The following LRRK2 variants were observed in gnomAD, a reference collection of about 807,000 sequenced individuals.
LRRK2 encodes leucine-rich repeat serine/threonine-protein kinase 2.
A neutral mutation model predicts 302.6 loss-of-function variants in LRRK2; 203 were observed. The observed-to-expected ratio is 0.67, with a 90% CI of 0.60 to 0.75. LRRK2 has a LOEUF of 0.75. Among genes scored for constraint, LRRK2 ranks in the 30% least tolerant of loss-of-function variants. The pLI is 0.00. For missense variants in LRRK2, 2,830 were observed against 2,951.0 expected (o/e 0.96, Z 0.95); for synonymous variants, 1,066 against 1,031.9 (o/e 1.03, Z -0.63).
rs183420932 is a variant in LRRK2 at position 40,239,565 on chromosome 12, A to C, written c.572-918A>C. ...AAGAATGTTGCTCAATAGAAAAACCATCAGTGCTGAGAGGGTTATGACTAT... is the reference window on the plus strand; with the variant it reads ...AAGAATGTTGCTCAATAGAAAAACCCTCAGTGCTGAGAGGGTTATGACTAT... On this transcript the variant is annotated intron_variant, in intron 5 of 50. Coordinates refer to ENST00000298910, the MANE Select transcript of LRRK2 (RefSeq NM_198578.4). 1.8e-3 allele frequency among the ~76,000 whole-genome samples: 271 copies of C among 152,308 alleles called. 1 individual carries two copies. Among genetic ancestry groups the C allele is most frequent in the African/African-American group, 6.1e-3 (253 of 41,572 alleles).
rs558504136 is a variant in LRRK2 at position 40,278,044 on chromosome 12, A to G, written c.2070+28A>G. The G allele has an allele frequency of 3.7e-5, 59 of 1,613,814 alleles. No homozygotes were observed. In the African/African-American group the frequency reaches 7.1e-4, roughly 19 times the overall value. ...ACAGTGTTTTTCACTTGCATCCTAAATGTTATGTATTTATCTGACTCTAAT... is the reference window on the plus strand; with the variant it reads ...ACAGTGTTTTTCACTTGCATCCTAAGTGTTATGTATTTATCTGACTCTAAT... On this transcript the variant is annotated intron_variant, in intron 17 of 50. Coordinates refer to ENST00000298910, the MANE Select transcript of LRRK2 (RefSeq NM_198578.4).
intron 45 of LRRK2, among the ~76,000 whole-genome samples, chr12:40,354,896 A>G (rs1314842879): frequency 1.3e-5 from 2 of 152,074 alleles, no homozygotes; most frequent in African/African-American, 4.8e-5. Flanking sequence ...TAAACATACC[A>G]GTTATCTAAC....
Position 40,321,310 on chromosome 12 carries a change from G to A in LRRK2, c.5170+122G>A, listed in dbSNP as rs1592285310. ...TATGCCATTTTCTCAGAGTTTACTT[G>A]TTTGGAAGGCAGCTGAAGAATTAGA... is the stretch of plus-strand genomic sequence containing the variant. On this transcript the variant is annotated intron_variant, in intron 35 of 50. Coordinates refer to ENST00000298910, the MANE Select transcript of LRRK2 (RefSeq NM_198578.4). 24 of 971,322 alleles carry A rather than the reference G, an allele frequency of 2.5e-5. 1 individual carries two copies. The East Asian group carries it at 6.1e-4, about 25-fold the overall frequency. 60.2% of individuals were successfully genotyped at this position (971,322 alleles called of 1,614,324 possible). A position where few individuals can be genotyped will look rare whatever the true frequency, so the allele number is the denominator to read the frequency against.
intron 33 of LRRK2, among the ~76,000 whole-genome samples, chr12:40,318,325 C>T (rs77601469): frequency 0.012 from 1,752 of 152,028 alleles, 39 homozygotes; most frequent in African/African-American, 0.04. Flanking sequence ...AGTGGTAGCA[C>T]GCTATAGATC....
At chr12:40,342,646 T>G (rs2136961745) in intron 41 of LRRK2, among the ~76,000 whole-genome samples, 1 of 152,256 alleles carries the variant, frequency 6.6e-6, no homozygotes, top group East Asian at 1.9e-4. Flanking sequence ...TCACCAAACT[T>G]TTTCTTCCCC....
chr12:40,231,291 G>A (rs994226281), intron 2 of LRRK2, among the ~76,000 whole-genome samples: 8 of 150,176 alleles, frequency 5.3e-5, no homozygotes, highest in Non-Finnish European at 1.0e-4. Flanking sequence ...AGAGGCTCAC[G>A]CCTGTAATCC....
Position 40,276,493 on chromosome 12 carries a change from G to A in LRRK2, c.1942-1395G>A, listed in dbSNP as rs149529446. ...GTATTTTTAGCTGAGATGGGGTTTC[G>A]CCGTGTTGGCCAGGCTGGTCTCAAA... On this transcript the variant is annotated intron_variant, in intron 16 of 50. Coordinates refer to ENST00000298910, the MANE Select transcript of LRRK2 (RefSeq NM_198578.4). Among the ~76,000 whole-genome samples, 366 of 152,126 alleles carry A rather than the reference G, an allele frequency of 2.4e-3. 1 individual carries two copies. Among genetic ancestry groups the A allele is most frequent in the African/African-American group, 8.1e-3 (338 of 41,496 alleles).
At position 40,293,444 on chromosome 12, in the gene LRRK2, A is replaced by G. The variant is rs72546321; in HGVS notation, c.2690-101A>G. 8.3e-6 allele frequency: 6 copies of G among 726,596 alleles called. No homozygotes were observed. In the East Asian group the frequency reaches 1.4e-4, roughly 17 times the overall value. 45.0% of individuals were successfully genotyped at this position (726,596 alleles called of 1,614,324 possible). On this transcript the variant is annotated intron_variant, in intron 20 of 50. Transcript: ENST00000298910. ...GGACTGTGAAATTTCCATTAATAAA[A>G]ATAGGTCTAATCTTCCATGATTGAA...
chr12:40,355,505 A>ATCCATCCCTCCCTCCC (rs1946500276), intron 45 of LRRK2, among the ~76,000 whole-genome samples: 1 of 55,384 alleles, frequency 1.8e-5, no homozygotes, highest in African/African-American at 5.2e-5. Flanking sequence ...CCTTCCTTCC[A>ATCCATCCCTCCCTCCC]TCCCTCCCTC....
chr12:40,232,951 AG>A (rs550533469), intron 3 of LRRK2, among the ~76,000 whole-genome samples: 19 of 152,230 alleles, frequency 1.2e-4, no homozygotes, highest in Non-Finnish European at 2.6e-4. Flanking sequence ...TGCAGTTTGC[AG>A]CATAATGGCT....
At position 40,340,130 on chromosome 12, in the gene LRRK2, T is replaced by C. The variant is rs369026312; in HGVS notation, c.5949-164T>C. Among the ~76,000 whole-genome samples, 13 of 152,330 alleles carry C rather than the reference T, an allele frequency of 8.5e-5. No homozygotes were observed. The East Asian group carries it at 1.9e-3, about 23-fold the overall frequency. On this transcript the variant is annotated intron_variant, in intron 40 of 50. Transcript: ENST00000298910. ...ACTTTGCTGTGTAATATTAGACTTATATGTTTTGATTTCCTTCTACAATAT... is the reference window on the plus strand; with the variant it reads ...ACTTTGCTGTGTAATATTAGACTTACATGTTTTGATTTCCTTCTACAATAT...
chr12:40,353,970 G>T lies in LRRK2; in HGVS notation c.6577-329G>T, dbSNP rs5017705. Among the ~76,000 whole-genome samples the T allele has an allele frequency of 8.5e-5, 13 of 152,172 alleles. No homozygotes were observed. The East Asian group carries it at 1.7e-3, about 20-fold the overall frequency. On this transcript the variant is annotated intron_variant, in intron 44 of 50. Coordinates refer to ENST00000298910, the MANE Select transcript of LRRK2 (RefSeq NM_198578.4). ...CTTCGGCTCGGCATCAGAGGGAGAC[G>T]GTGGAAAGAGAGGGAGAGGGAGACC...
At chr12:40,226,195 A>G (rs771764613) in intron 2 of LRRK2, among the ~76,000 whole-genome samples, 7 of 152,226 alleles carry the variant, frequency 4.6e-5, no homozygotes, top group Non-Finnish European at 7.3e-5. Context: ...AACTGTTGTC[A>G]TATAAAATGC....
chr12:40,240,013 G>A (rs1014874290), intron 5 of LRRK2, among the ~76,000 whole-genome samples: 4 of 152,176 alleles, frequency 2.6e-5, no homozygotes, highest in African/African-American at 9.7e-5. Flanking sequence ...CTAAGACAGA[G>A]TATTTCAAAG....
chr12:40,353,939 G>A (rs1946449621), intron 44 of LRRK2, among the ~76,000 whole-genome samples: 2 of 152,230 alleles, frequency 1.3e-5, no homozygotes, highest in African/African-American at 2.4e-5. Context: ...CAGCAGTACA[G>A]CCCAGCTTCG....
intron 8 of LRRK2, among the ~76,000 whole-genome samples, chr12:40,250,877 A>G (rs1323633306): frequency 2.6e-5 from 4 of 152,092 alleles, no homozygotes; most frequent in African/African-American, 9.7e-5. Flanking sequence ...CATGGTATAT[A>G]TGTACCACAT....
intron 47 of LRRK2, among the ~76,000 whole-genome samples, chr12:40,361,066 A>G (rs1415170938): frequency 6.6e-6 from 1 of 152,124 alleles, no homozygotes. Context: ...GCTGAAAATA[A>G]TATGATACCT....
chr12:40,283,036 G>C (rs1943772040), intron 18 of LRRK2, among the ~76,000 whole-genome samples: 1 of 146,888 alleles, frequency 6.8e-6, no homozygotes, highest in African/African-American at 2.7e-5. Flanking sequence ...TATGGCATAG[G>C]ATTTTTTTAA....
chr12:40,297,134 T>C (rs1944416264), intron 23 of LRRK2, among the ~76,000 whole-genome samples: 2 of 152,304 alleles, frequency 1.3e-5, no homozygotes, highest in Admixed American at 6.5e-5. Context: ...ATCTGACATA[T>C]GGTAGAAGTT....
Sources: gnomAD v4.1 joint callset for allele counts (sites outside exome capture counted in the v4.1 genomes callset) on GRCh38, gnomAD v4.1.1 for gene constraint, MANE v1.5 for transcripts, NCBI Gene and HGNC (gene_info 2026-07-23, HGNC 2026-07-21) for gene names.